The following AKAP9 variants were observed in gnomAD, a reference collection of about 807,000 sequenced individuals.
The protein encoded by AKAP9 is A-kinase anchoring protein 9.
A neutral mutation model predicts 488.5 loss-of-function variants in AKAP9; 311 were observed. That is an observed-to-expected ratio of 0.64 (90% CI 0.58 to 0.70). The LOEUF (loss-of-function observed/expected upper bound fraction) is 0.70, where lower values mean the gene tolerates loss of function less well. AKAP9 is among the 30% of genes least tolerant of loss of function. The probability of loss-of-function intolerance (pLI) is 0.00; values close to 1 mark genes in which losing one functional copy is unlikely to be tolerated. For missense variants in AKAP9, 4,215 were observed against 4,374.5 expected, an observed-to-expected ratio of 0.96 and a Z score of 1.03; for synonymous variants, 1,462 against 1,483.5, an observed-to-expected ratio of 0.99 and a Z score of 0.33.
At chr7:92,034,751 G>A (rs1027089332) in intron 16 of AKAP9, among the ~76,000 whole-genome samples, 24 of 151,038 alleles carry the variant, frequency 1.6e-4, no homozygotes, top group African/African-American at 4.9e-4. Context: ...CACCCACCTC[G>A]GCCTCCCAAA....
Position 92,045,025 on chromosome 7 carries a change from C to T in AKAP9, c.5180C>T (p.Ala1727Val), listed in dbSNP as rs369047678. The change falls in exon 21 of 50, where the codon GCT becomes GTT. Residue 1727 changes from alanine to valine, a missense_variant. Ala to Val is a moderately conservative substitution (Grantham distance 64). Coordinates refer to ENST00000356239, the MANE Select transcript of AKAP9 (RefSeq NM_005751.5). ...CTATACAGGTATGCACTCCAGAAAG[C>T]TAATAATAGACTTTTGAAGATCCTC... ...LSNERYALQK[A>V]NNRLLKILLE... The T allele has an allele frequency of 2.2e-5, 36 of 1,611,980 alleles. No homozygotes were observed. The highest frequency in any genetic ancestry group is 2.7e-5 in the African/African-American group (2 of 74,762).
rs1291183660 is a variant in AKAP9, at chr7:92,070,895, A to G, written c.6508-10A>G. On this transcript the variant is annotated splice_polypyrimidine_tract_variant and intron_variant, in intron 27 of 49. Coordinates refer to ENST00000356239, the MANE Select transcript of AKAP9 (RefSeq NM_005751.5). ...TATCAAATTTTGAGAAAATTTTTAT[A>G]TATTTAAAGGTAGAGGACCGAAAAC... The G allele has an allele frequency of 7.0e-6, 11 of 1,576,574 alleles. No homozygotes were observed. The highest frequency in any genetic ancestry group is 9.5e-6 in the Non-Finnish European group (11 of 1,159,020).
chr7:92,014,600 GC>G (rs1211524246), intron 10 of AKAP9, among the ~76,000 whole-genome samples: 2 of 152,114 alleles, frequency 1.3e-5, no homozygotes, highest in Admixed American at 6.6e-5. Flanking sequence ...CTGCACTCCA[GC>G]CTGGGTAACA....
intron 18 of AKAP9, chr7:92,041,757 T>G (rs1379827879): frequency 6.6e-6 from 2 of 303,610 alleles, no homozygotes; most frequent in Non-Finnish European, 1.2e-5. Context: ...TAACTTTGCT[T>G]TTCTTCATTG....
chr7:92,102,726 G>T lies in AKAP9; in HGVS notation c.11230G>T (p.Gly3744Trp), dbSNP rs200327385. Residue 3744 changes from glycine to tryptophan, a missense_variant, in exon 46 of 50, where the codon GGG (glycine) becomes TGG (tryptophan). By Grantham distance (184) the Gly-to-Trp change is radical (BLOSUM62 -2). Transcript: ENST00000356239. ...DATLALLARM[G>W]GQPAFTDLEV... The stretch of plus-strand genomic sequence containing the variant: ...CACCTTGGCCCTGCTTGCCCGGATG[G>T]GGGGGCAGCCAGCTTTCACGGATCT... The T allele has an allele frequency of 5.9e-5, 95 of 1,614,082 alleles. No homozygotes were observed. The highest frequency in any genetic ancestry group is 7.3e-5 in the Non-Finnish European group (86 of 1,180,032).
At chr7:92,063,832 G>C (rs1810314391) in intron 24 of AKAP9, among the ~76,000 whole-genome samples, 1 of 152,234 alleles carries the variant, frequency 6.6e-6, no homozygotes, top group East Asian at 1.9e-4. Flanking sequence ...CCAGGCTAGA[G>C]TGCAGTGGTC....
chr7:92,095,030 G>A lies in AKAP9; in HGVS notation c.9586G>A (p.Val3196Ile). The change falls in exon 40 of 50, where the codon GTT (valine) becomes ATT (isoleucine). Residue 3196 changes from valine (V) to isoleucine (I), a missense_variant. Coordinates refer to ENST00000356239, the MANE Select transcript of AKAP9 (RefSeq NM_005751.5). The stretch of plus-strand genomic sequence containing the variant: ...TTTGTCTTTCTGACTTAGGTTGGAA[G>A]TTAAAGATAAGACAGATGAAGTACA... ...LKELEAFRLE[V>I]KDKTDEVHLL... is the part of the protein sequence containing the mutation. 1 of 1,613,964 alleles carries A rather than the reference G, an allele frequency of 6.2e-7. No individual in the cohort carries two copies. Among genetic ancestry groups the A allele is most frequent in the East Asian group, 2.2e-5 (1 of 44,858 alleles).
intron 24 of AKAP9, among the ~76,000 whole-genome samples, chr7:92,063,162 T>C (rs1238339632): frequency 6.6e-6 from 1 of 152,218 alleles, no homozygotes; most frequent in East Asian, 1.9e-4. Context: ...TTCACTGATT[T>C]CATTTTATCG....
intron 49 of AKAP9, chr7:92,108,914 A>C: frequency 2.0e-6 from 1 of 492,026 alleles, no homozygotes; most frequent in South Asian, 2.0e-5. Context: ...ATGCACAATG[A>C]GCACCAGTGT....
At chr7:92,104,774 C>G (rs773369227) in intron 46 of AKAP9, among the ~76,000 whole-genome samples, 3 of 152,198 alleles carry the variant, frequency 2.0e-5, no homozygotes, top group Non-Finnish European at 4.4e-5. Context: ...CTTTCATTTC[C>G]TTCATCACCT....
At position 92,102,448 on chromosome 7, in the gene AKAP9, T is replaced by TTACTACTACTACTACTAC. The variant is rs11276778; in HGVS notation, c.11098-121_11098-104dup. 3.8e-4 allele frequency: 228 copies of TTACTACTACTACTACTAC among 594,730 alleles called. 1 individual carries two copies. The highest frequency in any genetic ancestry group is 3.6e-3 in the Admixed American group (123 of 34,640). 36.8% of individuals were successfully genotyped at this position (594,730 alleles called of 1,614,324 possible). A position where few individuals can be genotyped will look rare whatever the true frequency, so the allele number is the denominator to read the frequency against. On this transcript the variant is annotated intron_variant, in intron 45 of 49. Transcript: ENST00000356239. ...GTGATAGGAACCTGCCGTTTTACTA[T>TTACTACTACTACTACTAC]TACTACTACTACTACTACTACTACT...
intron 25 of AKAP9, 152 bp from the exon 26 acceptor site, chr7:92,066,275 T>C (rs1810747680): frequency 1.0e-6 from 1 of 958,712 alleles, no homozygotes; most frequent in Non-Finnish European, 1.5e-6. Flanking sequence ...TAAAATGTTA[T>C]CTTTTAAAAC....
At chr7:92,071,081 T>G in intron 28 of AKAP9, 72 bp downstream of exon 28, 1 of 1,371,706 alleles carries the variant, frequency 7.3e-7, no homozygotes, top group East Asian at 2.3e-5. Context: ...AAAATATTAT[T>G]TGAACTGAAT....
intron 32 of AKAP9, 50 bp from the exon 33 acceptor site, chr7:92,083,120 A>G: frequency 6.3e-7 from 1 of 1,591,158 alleles, no homozygotes; most frequent in Non-Finnish European, 8.6e-7. Flanking sequence ...TACATTTAAT[A>G]TGGGAAGATT....
chr7:91,962,354 TGGA>T (rs1363460715), intron 1 of AKAP9, among the ~76,000 whole-genome samples: 2 of 152,172 alleles, frequency 1.3e-5, no homozygotes, highest in Non-Finnish European at 2.9e-5. Context: ...TGTCTTTTGG[TGGA>T]GGAGGGAGAT....
At chr7:92,017,457 CTAAT>C (rs1470789847) in intron 12 of AKAP9, among the ~76,000 whole-genome samples, 1 of 152,012 alleles carries the variant, frequency 6.6e-6, no homozygotes, top group East Asian at 1.9e-4. Context: ...TAGCATATAG[CTAAT>C]TAGTTTCACA....
chr7:92,105,802 C>T, intron 47 of AKAP9, 39 bp downstream of exon 47: 2 of 1,547,316 alleles, frequency 1.3e-6, no homozygotes, highest in Non-Finnish European at 1.8e-6. Context: ...GTTTATGACT[C>T]TCTAAATCAG....
Position 92,012,973 on chromosome 7 carries a change from A to ATTTTTT in AKAP9, c.3532+362_3532+367dup, listed in dbSNP as rs749688986. Among the ~76,000 whole-genome samples the ATTTTTT allele has an allele frequency of 8.4e-4, 51 of 60,756 alleles. 6 individuals are homozygous for ATTTTTT. The highest frequency in any genetic ancestry group is 2.9e-3 in the African/African-American group (38 of 13,042). The allele number at this position is 60,756 out of a possible 152,430, so 39.9% of individuals were successfully genotyped here. A position where few individuals can be genotyped will look rare whatever the true frequency, so the allele number is the denominator to read the frequency against. ...GGTGGTAGACAGTGGTGGGGTTGGAATTTTTTTTTTTTTTTTTTTTTTTTT... is the reference window on the plus strand; with the variant it reads ...GGTGGTAGACAGTGGTGGGGTTGGAATTTTTTTTTTTTTTTTTTTTTTTTTTTTTTT... On this transcript the variant is annotated intron_variant, in intron 9 of 49. Coordinates refer to ENST00000356239, the MANE Select transcript of AKAP9 (RefSeq NM_005751.5).
chr7:91,994,221 A>G (rs956821213), intron 5 of AKAP9, among the ~76,000 whole-genome samples: 1 of 152,302 alleles, frequency 6.6e-6, no homozygotes, highest in East Asian at 1.9e-4. Flanking sequence ...ATAACTGTCT[A>G]TGGCAGTCAG....
Sources: gnomAD v4.1 joint callset for allele counts (sites outside exome capture counted in the v4.1 genomes callset) on GRCh38, gnomAD v4.1.1 for gene constraint, MANE v1.5 for transcripts, NCBI Gene and HGNC (gene_info 2026-07-23, HGNC 2026-07-21) for gene names.